The following TTC29 variants were observed in gnomAD, a reference collection of about 807,000 sequenced individuals.
TTC29 encodes the protein tetratricopeptide repeat protein 29.
A neutral mutation model predicts 58.1 loss-of-function variants in TTC29; 49 were observed. That is an observed-to-expected ratio of 0.84 (90% CI 0.67 to 1.07). The LOEUF is 1.07. TTC29 is among the 50% of genes least tolerant of loss of function. The pLI, the probability that TTC29 is intolerant of heterozygous loss-of-function variation, is 0.00. For missense variants in TTC29, 582 were observed against 555.6 expected (o/e 1.05, Z -0.48); for synonymous variants, 209 against 196.8 (o/e 1.06, Z -0.52).
At chr4:146,938,926 A>G (rs1476688041) in intron 3 of TTC29, among the ~76,000 whole-genome samples, 1 of 152,262 alleles carries the variant, frequency 6.6e-6, no homozygotes, top group African/African-American at 2.4e-5. Flanking sequence ...TAGCACAATC[A>G]GTTAATATGA....
intron 6 of TTC29, among the ~76,000 whole-genome samples, chr4:146,897,231 A>C (rs1732828189): frequency 6.6e-6 from 1 of 152,164 alleles, no homozygotes; most frequent in Non-Finnish European, 1.5e-5. Flanking sequence ...CTCCTTATGC[A>C]TAATTTGAAG....
At chr4:146,843,171 C>T (rs1728953916) in intron 8 of TTC29, among the ~76,000 whole-genome samples, 1 of 151,890 alleles carries the variant, frequency 6.6e-6, no homozygotes, top group Non-Finnish European at 1.5e-5. Flanking sequence ...CACATGAAGG[C>T]AAATAGCAGT....
intron 11 of TTC29, among the ~76,000 whole-genome samples, chr4:146,748,304 G>T (rs1238748410): frequency 6.6e-6 from 1 of 152,100 alleles, no homozygotes; most frequent in African/African-American, 2.4e-5. Flanking sequence ...CAAGACCCTG[G>T]CTTAATGTGA....
chr4:146,841,120 A>G (rs1579805498), intron 8 of TTC29, among the ~76,000 whole-genome samples: 2 of 152,284 alleles, frequency 1.3e-5, no homozygotes, highest in African/African-American at 4.8e-5. Flanking sequence ...CTACATGCAC[A>G]TAACAGTAGT....
At chr4:146,838,654 A>G (rs554608817) in intron 8 of TTC29, among the ~76,000 whole-genome samples, 2 of 152,120 alleles carry the variant, frequency 1.3e-5, no homozygotes, top group East Asian at 3.9e-4. Flanking sequence ...TGACTCTTGA[A>G]CAACACAGGT....
At chr4:146,900,504 C>T (rs1449502316) in intron 6 of TTC29, among the ~76,000 whole-genome samples, 1 of 152,138 alleles carries the variant, frequency 6.6e-6, no homozygotes, top group Admixed American at 6.6e-5. Context: ...TCATCCTTTC[C>T]CTCAGTTGCT....
At chr4:146,855,358 A>G (rs111677993) in intron 8 of TTC29, among the ~76,000 whole-genome samples, 10,921 of 152,254 alleles carry the variant, frequency 0.072, 501 homozygotes, top group Admixed American at 0.13. Flanking sequence ...GCTTGAACCC[A>G]GGAGGTGGAG....
In TTC29 at chr4:146,873,628, G is replaced by C. The variant is rs921310075; in HGVS notation, c.799+1088C>G. ...TTCCATGTGACTAAAGTTTGCTGCTGAAATTGATATAAGAGCTAACTCTGT... is the reference window on the plus strand; with the variant it reads ...TTCCATGTGACTAAAGTTTGCTGCTCAAATTGATATAAGAGCTAACTCTGT... On this transcript the variant is annotated intron_variant, in intron 7 of 12. Transcript: ENST00000325106. Among the ~76,000 whole-genome samples the C allele has an allele frequency of 2.6e-5, 4 of 152,152 alleles. No individual in the cohort carries two copies. The South Asian group carries it at 8.3e-4, about 32-fold the overall frequency.
chr4:146,750,780 A>G (rs1745921470), intron 11 of TTC29, among the ~76,000 whole-genome samples: 1 of 152,238 alleles, frequency 6.6e-6, no homozygotes, highest in Non-Finnish European at 1.5e-5. Context: ...CAAATCACAA[A>G]GGTAGACAAC....
chr4:146,849,228 A>G lies in TTC29; in HGVS notation c.886-15331T>C, dbSNP rs147949485. Among the ~76,000 whole-genome samples the G allele has an allele frequency of 7.6e-3, 1,160 of 152,266 alleles. 3 individuals are homozygous for G. The highest frequency in any genetic ancestry group is 0.012 in the Non-Finnish European group (844 of 68,014). On this transcript the variant is annotated intron_variant, in intron 8 of 12. Transcript: ENST00000325106. ...CAATCTTCACAGAACCTCGAAATAT[A>G]TATTAATATTCCCATTGTATATCTG...
chr4:146,756,438 T>A (rs1443682257), intron 11 of TTC29, among the ~76,000 whole-genome samples: 1 of 152,164 alleles, frequency 6.6e-6, no homozygotes, highest in Non-Finnish European at 1.5e-5. Flanking sequence ...GAATCTAACA[T>A]AATTTTGTAT....
At chr4:146,817,947 G>C (rs1193114731) in intron 10 of TTC29, among the ~76,000 whole-genome samples, 1 of 152,146 alleles carries the variant, frequency 6.6e-6, no homozygotes, top group Non-Finnish European at 1.5e-5. Context: ...ATGGATTAAA[G>C]ACTTAAACGT....
intron 11 of TTC29, among the ~76,000 whole-genome samples, chr4:146,764,393 GGGA>G (rs1269073607): frequency 1.3e-5 from 2 of 151,964 alleles, no homozygotes; most frequent in African/African-American, 2.4e-5. Context: ...TGTGGCGGTG[GGGA>G]GGAGGAGAGA....
chr4:146,826,685 A>T (rs929451276), intron 9 of TTC29, among the ~76,000 whole-genome samples: 1 of 151,962 alleles, frequency 6.6e-6, no homozygotes, highest in South Asian at 2.1e-4. Flanking sequence ...ATTCTCCTGG[A>T]TAATATCCTG....
intron 4 of TTC29, among the ~76,000 whole-genome samples, chr4:146,927,399 C>T (rs550775039): frequency 8.5e-5 from 13 of 152,048 alleles, no homozygotes; most frequent in African/African-American, 2.4e-4. Flanking sequence ...TTCCATTATA[C>T]GTGGCAGCCT....
chr4:146,728,834 T>TGTGTATATATACGTATATATAC lies in TTC29; in HGVS notation c.1331-21284_1331-21283insGTATATATACGTATATATACAC, dbSNP rs1744066888. On this transcript the variant is annotated intron_variant, in intron 11 of 12. Transcript: ENST00000325106. ...ATATATGTGTATATATACATATATATACACATATATATGTATATATATACA... is the reference window on the plus strand; with the variant it reads ...ATATATGTGTATATATACATATATATGTGTATATATACGTATATATACACACATATATATGTATATATATACA... Among the ~76,000 whole-genome samples, 2 of 108,408 alleles carry TGTGTATATATACGTATATATAC rather than the reference T, an allele frequency of 1.8e-5. 1 individual carries two copies. Among genetic ancestry groups the TGTGTATATATACGTATATATAC allele is most frequent in the South Asian group, 6.8e-4 (2 of 2,962 alleles). The allele number at this position is 108,408 out of a possible 152,430, so 71.1% of individuals were successfully genotyped here. A position where few individuals can be genotyped will look rare whatever the true frequency, so the allele number is the denominator to read the frequency against.
chr4:146,760,438 C>A (rs1746797429), intron 11 of TTC29, among the ~76,000 whole-genome samples: 2 of 151,700 alleles, frequency 1.3e-5, no homozygotes, highest in South Asian at 2.1e-4. Context: ...AAAAAAAATT[C>A]TAAAATTCAC....
intron 11 of TTC29, among the ~76,000 whole-genome samples, chr4:146,775,868 G>T (rs998793541): frequency 6.6e-6 from 1 of 152,018 alleles, no homozygotes; most frequent in African/African-American, 2.4e-5. Context: ...TTGCTTTCTC[G>T]CCCTCTCTTT....
At chr4:146,707,669 G>A in intron 11 of TTC29, 118 bp from the exon 12 acceptor site, 1 of 656,410 alleles carries the variant, frequency 1.5e-6, no homozygotes, top group Non-Finnish European at 2.6e-6. Context: ...ATAAGATAAG[G>A]GTGTATGTAT....
Sources: allele counts gnomAD v4.1 joint callset (sites outside exome capture counted in the v4.1 genomes callset), GRCh38; gene constraint gnomAD v4.1.1; transcripts MANE v1.5; gene names NCBI Gene and HGNC (gene_info 2026-07-23, HGNC 2026-07-21).